Variants in PLPP4 observed in about 807,000 individuals in gnomAD.
PLPP4 encodes diacylglycerol pyrophosphate like 2.
A neutral mutation model predicts 32.2 loss-of-function variants in PLPP4; 20 were observed. The ratio of observed to expected loss-of-function variants is 0.62; its 90% CI spans 0.44 to 0.90. PLPP4 has a LOEUF of 0.90. Ranked by LOEUF, PLPP4 falls within the 40% of genes least tolerant of loss-of-function variation. PLPP4 has a pLI of 0.00. For synonymous variants in PLPP4, 127 were observed against 133.0 expected (o/e 0.95, Z 0.31); for missense variants, 257 against 353.1 (o/e 0.73, Z 2.18).
At position 120,518,910 on chromosome 10, in the gene PLPP4, AG is replaced by A; in HGVS notation, c.320+15del. On this transcript the variant is annotated intron_variant, in intron 4 of 6. Coordinates refer to ENST00000398250, the MANE Select transcript of PLPP4 (RefSeq NM_001030059.3). ...AATAGTGGGAAGGTAAGTTCCAAGA[AG>A]AATGAAATGGTGACTTAGACTATCA... 2 of 1,604,558 alleles carry A rather than the reference AG, an allele frequency of 1.2e-6. No individual in the cohort carries two copies. The highest frequency in any genetic ancestry group is 1.7e-6 in the Non-Finnish European group (2 of 1,173,218).
At chr10:120,463,579 C>A (rs1215230201) in intron 1 of PLPP4, among the ~76,000 whole-genome samples, 4 of 152,224 alleles carry the variant, frequency 2.6e-5, no homozygotes. Context: ...CTTCTCGCCA[C>A]CCTTGTTAAT....
intron 5 of PLPP4, among the ~76,000 whole-genome samples, chr10:120,548,726 C>T (rs1282055918): frequency 6.6e-6 from 1 of 152,008 alleles, no homozygotes; most frequent in South Asian, 2.1e-4. Flanking sequence ...TCCACAACCT[C>T]GCCAACATCT....
rs1425830344 is a variant in PLPP4, at chr10:120,539,490, A to G, written c.445+18395A>G. 2.0e-5 allele frequency among the ~76,000 whole-genome samples: 3 copies of G among 152,296 alleles called. No individual in the cohort carries two copies. The East Asian group carries it at 5.8e-4, about 29-fold the overall frequency. The stretch of plus-strand genomic sequence containing the variant: ...CCTCTCTGCCTTCCCAGCAGAACTA[A>G]GGATTTGAAAGACTAACATGAACAC... On this transcript the variant is annotated intron_variant, in intron 5 of 6. Transcript: ENST00000398250.
At chr10:120,483,724 C>T (rs1390716121) in intron 1 of PLPP4, among the ~76,000 whole-genome samples, 1 of 152,180 alleles carries the variant, frequency 6.6e-6, no homozygotes, top group African/African-American at 2.4e-5. Context: ...GGGGTGAGTT[C>T]TCACTCTATT....
intron 6 of PLPP4, among the ~76,000 whole-genome samples, chr10:120,580,699 G>A (rs2134071037): frequency 6.8e-6 from 1 of 147,100 alleles, no homozygotes; most frequent in East Asian, 2.0e-4. Flanking sequence ...GACATACACT[G>A]TTATAAGCAG....
intron 5 of PLPP4, among the ~76,000 whole-genome samples, chr10:120,528,292 T>G (rs112986766): frequency 0.039 from 5,986 of 152,120 alleles, 155 homozygotes; most frequent in South Asian, 0.078. Context: ...GCCAGGATGG[T>G]CTCCATCTCC....
At chr10:120,464,889 G>A (rs951506833) in intron 1 of PLPP4, among the ~76,000 whole-genome samples, 1 of 152,126 alleles carries the variant, frequency 6.6e-6, no homozygotes, top group African/African-American at 2.4e-5. Context: ...CTGGGAAGGC[G>A]TCTGCCTTGT....
Position 120,507,572 on chromosome 10 carries a change from A to C in PLPP4, c.165+3646A>C, listed in dbSNP as rs116364814. On this transcript the variant is annotated intron_variant, in intron 2 of 6. Coordinates refer to ENST00000398250, the MANE Select transcript of PLPP4 (RefSeq NM_001030059.3). ...GCTTGTCCGAGATTATACAACTGTCAGTGGCTGAACCAGGATCTGAGCACT... is the reference window on the plus strand; with the variant it reads ...GCTTGTCCGAGATTATACAACTGTCCGTGGCTGAACCAGGATCTGAGCACT... Among the ~76,000 whole-genome samples, 196 of 152,370 alleles carry C rather than the reference A, an allele frequency of 1.3e-3. 1 individual carries two copies. The highest frequency in any genetic ancestry group is 4.6e-3 in the African/African-American group (191 of 41,588).
chr10:120,520,630 G>C (rs559192511), intron 4 of PLPP4, among the ~76,000 whole-genome samples: 5 of 152,160 alleles, frequency 3.3e-5, no homozygotes, highest in Non-Finnish European at 7.3e-5. Flanking sequence ...GGTGCCTCCT[G>C]TAAGTCATGT....
chr10:120,459,501 C>T (rs1046547789), intron 1 of PLPP4, among the ~76,000 whole-genome samples: 9 of 152,164 alleles, frequency 5.9e-5, no homozygotes, highest in African/African-American at 2.2e-4. Flanking sequence ...TTGACAGAGG[C>T]TGACTTTTGG....
At chr10:120,548,399 G>T (rs768933143) in intron 5 of PLPP4, among the ~76,000 whole-genome samples, 1 of 152,124 alleles carries the variant, frequency 6.6e-6, no homozygotes, top group African/African-American at 2.4e-5. Flanking sequence ...TTGCTGCAAA[G>T]GACATGATCT....
intron 6 of PLPP4, among the ~76,000 whole-genome samples, chr10:120,588,576 A>G (rs1342227923): frequency 2.6e-5 from 4 of 152,194 alleles, no homozygotes; most frequent in African/African-American, 4.8e-5. Flanking sequence ...TCTGCAGCAC[A>G]CCAGCAATAC....
intron 5 of PLPP4, among the ~76,000 whole-genome samples, chr10:120,531,476 T>A (rs1215258883): frequency 6.6e-6 from 1 of 152,138 alleles, no homozygotes; most frequent in African/African-American, 2.4e-5. Flanking sequence ...ATTTACTACT[T>A]TCTTCTTTTA....
At chr10:120,493,255 G>A (rs1292598579) in intron 1 of PLPP4, among the ~76,000 whole-genome samples, 1 of 152,104 alleles carries the variant, frequency 6.6e-6, no homozygotes, top group Non-Finnish European at 1.5e-5. Flanking sequence ...CTTTATTCGT[G>A]GGTTCACCTA....
At chr10:120,533,956 A>G (rs1188324555) in intron 5 of PLPP4, among the ~76,000 whole-genome samples, 3 of 152,172 alleles carry the variant, frequency 2.0e-5, no homozygotes, top group South Asian at 2.1e-4. Flanking sequence ...ATGCAATTAC[A>G]TATGTATCAT....
intron 5 of PLPP4, among the ~76,000 whole-genome samples, chr10:120,547,419 C>T (rs937236797): frequency 1.5e-4 from 23 of 152,024 alleles, no homozygotes; most frequent in African/African-American, 4.1e-4. Flanking sequence ...TTGAAGTGGA[C>T]GTTGAAAATT....
At chr10:120,538,713 T>C (rs1340876516) in intron 5 of PLPP4, among the ~76,000 whole-genome samples, 4 of 152,194 alleles carry the variant, frequency 2.6e-5, no homozygotes, top group Non-Finnish European at 5.9e-5. Context: ...ACCCTGTCCT[T>C]TTCATGATAA....
At chr10:120,463,601 A>G (rs1241948764) in intron 1 of PLPP4, among the ~76,000 whole-genome samples, 1 of 152,230 alleles carries the variant, frequency 6.6e-6, no homozygotes, top group Admixed American at 6.5e-5. Flanking sequence ...CCTATTGCAT[A>G]CATGTAGTGT....
intron 2 of PLPP4, among the ~76,000 whole-genome samples, chr10:120,507,286 C>G (rs954423): frequency 0.015 from 2,345 of 152,058 alleles, 59 homozygotes; most frequent in African/African-American, 0.053. Flanking sequence ...TACTCTAATA[C>G]AAAATGGAAT....
Sources: allele counts gnomAD v4.1 joint callset (sites outside exome capture counted in the v4.1 genomes callset), GRCh38; gene constraint gnomAD v4.1.1; transcripts MANE v1.5; gene names NCBI Gene and HGNC (gene_info 2026-07-23, HGNC 2026-07-21).